Variants in MCF2L observed in about 807,000 individuals in gnomAD.
MCF2L encodes MCF.2 cell line derived transforming sequence like.
Under a neutral mutation model 153.4 loss-of-function variants are expected in MCF2L, and 97 were observed. That is an observed-to-expected ratio of 0.63 (90% CI 0.54 to 0.75). The LOEUF (loss-of-function observed/expected upper bound fraction) is 0.75, where lower values mean the gene tolerates loss of function less well. MCF2L is among the 30% of genes least tolerant of loss of function. The pLI is 0.00. For missense variants in MCF2L, 1,347 were observed against 1,495.2 expected (o/e 0.90, Z 1.64); for synonymous variants, 659 against 632.2 (o/e 1.04, Z -0.64).
chr13:113,072,978 C>T (rs1031445251), intron 9 of MCF2L, among the ~76,000 whole-genome samples: 1 of 151,100 alleles, frequency 6.6e-6, no homozygotes, highest in African/African-American at 2.4e-5. Context: ...ACTGATTTAG[C>T]TGTGTTCCAC....
At position 113,086,198 on chromosome 13, in the gene MCF2L, C is replaced by T; in HGVS notation, c.2322C>T (p.Ile774=). The change falls in exon 21 of 30, where the codon ATC becomes ATT. Residue 774 remains isoleucine, a synonymous_variant. Transcript: ENST00000535094. ...AGGCGCTGAGCTCCATCCTGGGCAT[C>T]CTGAAGGCCGTGAACGACTCCATGC... ...LQEALSSILG[I]LKAVNDSMHL... is the part of the protein sequence containing the mutation. 1.9e-6 allele frequency: 3 copies of T among 1,611,348 alleles called. 1 individual carries two copies. In the South Asian group the frequency reaches 3.3e-5, roughly 18 times the overall value.
intron 1 of MCF2L, among the ~76,000 whole-genome samples, chr13:112,895,330 G>A (rs1266671037): frequency 1.3e-5 from 2 of 152,184 alleles, no homozygotes; most frequent in Non-Finnish European, 2.9e-5. Flanking sequence ...CGCCCAGGCA[G>A]GATGTGCCGG....
At chr13:113,088,482 A>G in intron 24 of MCF2L, 77 bp downstream of exon 24, 1 of 1,605,060 alleles carries the variant, frequency 6.2e-7, no homozygotes, top group Non-Finnish European at 8.5e-7. Flanking sequence ...GAGCAACCGC[A>G]CAGTCCCCCC....
chr13:112,930,306 A>G (rs9604004), intron 2 of MCF2L, among the ~76,000 whole-genome samples: 112,076 of 152,100 alleles, frequency 0.74, 41,380 homozygotes, highest in Admixed American at 0.79. Context: ...TATGTCATTC[A>G]GTAGATGAAT....
rs1361331287 is a variant in MCF2L at position 112,941,091 on chromosome 13, C to T, written c.169+38720C>T. On this transcript the variant is annotated intron_variant, in intron 2 of 29. Coordinates refer to the MCF2L transcript ENST00000375608. This position sits in a 1 kb window ranked among gnomAD's most constrained non-coding sequence, Gnocchi z 4.9. ...CACCACCATAGGGAGCATATTTTTACCATCTTTTCCGCAGGGTCAGAGTGG... is the reference window on the plus strand; with the variant it reads ...CACCACCATAGGGAGCATATTTTTATCATCTTTTCCGCAGGGTCAGAGTGG... Among the ~76,000 whole-genome samples, 1 of 152,198 alleles carries T rather than the reference C, an allele frequency of 6.6e-6. No individual in the cohort carries two copies. The highest frequency in any genetic ancestry group is 1.5e-5 in the Non-Finnish European group (1 of 68,042).
intron 16 of MCF2L, 23 bp from the exon 17 acceptor site, chr13:113,082,404 C>T (rs199679269): frequency 9.8e-6 from 15 of 1,526,988 alleles, no homozygotes; most frequent in East Asian, 4.5e-5. Context: ...GGACCCCCGC[C>T]GACCTCTGCG....
At chr13:113,051,128 G>T (rs781357484) in intron 4 of MCF2L, among the ~76,000 whole-genome samples, 28 of 152,212 alleles carry the variant, frequency 1.8e-4, no homozygotes, top group Non-Finnish European at 3.4e-4. Context: ...CCCCGTGGTG[G>T]ACAGAAGGGG....
rs2081600372 is a variant in MCF2L, at chr13:112,943,622, C to G, written c.169+41251C>G. On this transcript the variant is annotated intron_variant, in intron 2 of 29. Coordinates refer to the MCF2L transcript ENST00000375608. The surrounding 1 kb of genome is among the most constrained non-coding windows in gnomAD (Gnocchi z 4.2). The stretch of plus-strand genomic sequence containing the variant: ...CAGGCGCCCAGGCGCAGAGGAGGCG[C>G]GGGGGGCGGGACCTGCCGGCCAGTC... Among the ~76,000 whole-genome samples, 1 of 152,102 alleles carries G rather than the reference C, an allele frequency of 6.6e-6. No homozygotes were observed.
chr13:112,920,648 A>G (rs1259572618), intron 2 of MCF2L, among the ~76,000 whole-genome samples: 1 of 131,504 alleles, frequency 7.6e-6, no homozygotes, highest in Non-Finnish European at 1.6e-5. Flanking sequence ...TAATCCAGTC[A>G]GGTTGTGGGT....
At chr13:113,063,867 T>G (rs1247423050) in intron 5 of MCF2L, 1 of 444,470 alleles carries the variant, frequency 2.2e-6, no homozygotes, top group Non-Finnish European at 4.6e-6. Flanking sequence ...TAAGTGGGGC[T>G]GTGAGTTTGA....
Position 113,065,103 on chromosome 13 carries a change from C to T in MCF2L, c.756+18C>T, listed in dbSNP as rs370378308. 4.9e-5 allele frequency: 78 copies of T among 1,586,180 alleles called. No homozygotes were observed. The highest frequency in any genetic ancestry group is 7.1e-5 in the African/African-American group (5 of 70,656). On this transcript the variant is annotated intron_variant, in intron 7 of 29. Coordinates refer to ENST00000535094, the MANE Select transcript of MCF2L (RefSeq NM_001112732.3). ...AGGCGAAGGTACATGGGGGGTGCTC[C>T]GGCTGGAAGCTGTGGGGGGCTCCGG...
chr13:112,907,107 T>G lies in MCF2L; in HGVS notation c.169+4736T>G, dbSNP rs1180178748. ...TCCATGGCTGGACCTAATACTTCCA[T>G]GCTTTATGGTAGGAGATTACACAGG... On this transcript the variant is annotated intron_variant, in intron 2 of 29. Coordinates refer to the MCF2L transcript ENST00000375608. The surrounding 1 kb of genome is among the most constrained non-coding windows in gnomAD (Gnocchi z 5.1). Among the ~76,000 whole-genome samples the G allele has an allele frequency of 1.3e-5, 2 of 152,106 alleles. No homozygotes were observed. The highest frequency in any genetic ancestry group is 1.9e-4 in the East Asian group (1 of 5,178).
rs141963168 is a variant in MCF2L at position 112,977,294 on chromosome 13, G to A, written c.79+7836G>A. Among the ~76,000 whole-genome samples the A allele has an allele frequency of 3.9e-5, 6 of 152,210 alleles. 1 individual carries two copies. The highest frequency in any genetic ancestry group is 3.4e-3 in the Middle Eastern group (1 of 294). The stretch of plus-strand genomic sequence containing the variant: ...ACTTCTCAGGGGCCCAACCATTCTC[G>A]AGCCTCCCTGAAGCCAACCAGCGGG... On this transcript the variant is annotated intron_variant, in intron 1 of 29. Transcript: ENST00000535094.
At chr13:113,036,282 C>T (rs1353876370) in intron 3 of MCF2L, among the ~76,000 whole-genome samples, 1 of 152,174 alleles carries the variant, frequency 6.6e-6, no homozygotes, top group African/African-American at 2.4e-5. Context: ...TCCTTTTATA[C>T]ATAAGTTAAC....
upstream of MCF2L, chr13:112,968,869 C>T (rs2081947366): frequency 4.4e-6 from 4 of 902,384 alleles, no homozygotes; most frequent in Admixed American, 1.6e-4. Flanking sequence ...GCGGGGCTCC[C>T]AGGGGACCTC....
At chr13:112,899,370 G>A (rs1199363231) in intron 1 of MCF2L, among the ~76,000 whole-genome samples, 3 of 152,178 alleles carry the variant, frequency 2.0e-5, no homozygotes, top group Admixed American at 1.3e-4. Context: ...GGGTGGCGGC[G>A]CCTGTTGGGT....
rs2081807987 is a variant in MCF2L at position 112,960,223 on chromosome 13, G to A, written c.170-54540G>A. On this transcript the variant is annotated intron_variant, in intron 2 of 29. Transcript: ENST00000375608. The surrounding 1 kb of genome is among the most constrained non-coding windows in gnomAD (Gnocchi z 4.2). ...AAGATTGAGGGGCTGCATCTGGTGAGGGCCCCTGAGCTGCGTCTTTCCAAG... is the reference window on the plus strand; with the variant it reads ...AAGATTGAGGGGCTGCATCTGGTGAAGGCCCCTGAGCTGCGTCTTTCCAAG... Among the ~76,000 whole-genome samples the A allele has an allele frequency of 6.6e-6, 1 of 152,204 alleles. No homozygotes were observed. The highest frequency in any genetic ancestry group is 2.4e-5 in the African/African-American group (1 of 41,440).
At chr13:113,040,412 C>CTCTGTGTGTGTGTGTGTGTGTGTGTGTG (rs1555372582) in intron 3 of MCF2L, 1 of 140,166 alleles carries the variant, frequency 7.1e-6, no homozygotes, top group Non-Finnish European at 1.5e-5. Context: ...GAGGGCCTTC[C>CTCTGTGTGTGTGTGTGTGTGTGTGTGTG]TGTGTGTGTG....
intron 1 of MCF2L, among the ~76,000 whole-genome samples, chr13:112,981,931 G>A (rs949451694): frequency 2.6e-5 from 4 of 152,248 alleles, no homozygotes; most frequent in African/African-American, 9.6e-5. Flanking sequence ...CGATTGGAAG[G>A]TGGAGGAGTC....
Sources: gnomAD v4.1 joint callset for allele counts (sites outside exome capture counted in the v4.1 genomes callset) on GRCh38, gnomAD v4.1.1 for gene constraint, Gnocchi (gnomAD v3.1) non-coding constraint, MANE v1.5 for transcripts, NCBI Gene and HGNC (gene_info 2026-07-23, HGNC 2026-07-21) for gene names.